BET1: variants seen among roughly 807,000 people sequenced by gnomAD.
BET1 encodes the protein BET1 homolog.
A neutral mutation model predicts 13.9 loss-of-function variants in BET1; 9 were observed. That is an observed-to-expected ratio of 0.65 (90% CI 0.39 to 1.13). BET1 has a LOEUF of 1.13. Ranked by LOEUF, BET1 falls within the 50% of genes most tolerant of loss-of-function variation. The probability of loss-of-function intolerance (pLI) is 0.01; values close to 1 mark genes in which losing one functional copy is unlikely to be tolerated. For missense variants in BET1, 127 were observed against 133.6 expected (o/e 0.95, Z 0.24); for synonymous variants, 39 against 47.3 (o/e 0.82, Z 0.72).
At chr7:93,996,369 A>T in intron 2 of BET1, 48 bp from the exon 3 acceptor site, 1 of 1,301,456 alleles carries the variant, frequency 7.7e-7, no homozygotes, top group Non-Finnish European at 1.1e-6. Context: ...AAAGTATTCA[A>T]GTGTTATAAA....
chr7:93,987,540 T>C (rs929857245), intron 4 of BET1, among the ~76,000 whole-genome samples: 1 of 152,128 alleles, frequency 6.6e-6, no homozygotes, highest in Non-Finnish European at 1.5e-5. Flanking sequence ...AGGTAATTTC[T>C]AGGTGGGGGA....
At chr7:93,965,052 A>T (rs1182315117) in exon 7 of BET1, 1 of 152,092 alleles carries the variant, frequency 6.6e-6, no homozygotes, top group African/African-American at 2.4e-5. Flanking sequence ...CAATCTAACT[A>T]GAAATCCTGT....
chr7:93,991,790 G>C (rs770158447), downstream of BET1: 1 of 965,602 alleles, frequency 1.0e-6, no homozygotes, highest in Admixed American at 6.2e-5. Context: ...TAAATATTTA[G>C]TCAAAGTTTA....
At chr7:93,992,051 T>C (rs1795648299), downstream of BET1, 2 of 985,140 alleles carry the variant, frequency 2.0e-6, no homozygotes, top group South Asian at 9.4e-5. Flanking sequence ...AAAAAGAGGG[T>C]GCTGGCAGAA....
chr7:94,002,569 T>C (rs1438214591), intron 1 of BET1, among the ~76,000 whole-genome samples: 1 of 152,026 alleles, frequency 6.6e-6, no homozygotes, highest in East Asian at 1.9e-4. Flanking sequence ...GTAACAATAC[T>C]TTAAAAACTT....
At chr7:93,994,770 A>G (rs944665145) in intron 3 of BET1, among the ~76,000 whole-genome samples, 3 of 152,272 alleles carry the variant, frequency 2.0e-5, no homozygotes, top group African/African-American at 7.2e-5. Context: ...CTCCAAGGTC[A>G]AATGGTTGAC....
intron 1 of BET1, among the ~76,000 whole-genome samples, chr7:94,003,845 T>C (rs546911662): frequency 5.9e-5 from 9 of 151,910 alleles, no homozygotes; most frequent in East Asian, 3.9e-4. Context: ...CCAGGGCCAG[T>C]AGGGAAACAG....
chr7:93,994,818 C>A (rs780037399), intron 3 of BET1, among the ~76,000 whole-genome samples: 1 of 152,104 alleles, frequency 6.6e-6, no homozygotes, highest in African/African-American at 2.4e-5. Context: ...AAATGTAATA[C>A]GGTTAGCAGT....
intron 6 of BET1, among the ~76,000 whole-genome samples, chr7:93,967,875 G>A (rs1795199633): frequency 6.6e-6 from 1 of 151,720 alleles, no homozygotes; most frequent in South Asian, 2.1e-4. Context: ...CATTTCCATT[G>A]AGTGTGTTTC....
chr7:93,967,866 A>G (rs1263938969), intron 6 of BET1, among the ~76,000 whole-genome samples: 1 of 151,804 alleles, frequency 6.6e-6, no homozygotes, highest in African/African-American at 2.4e-5. Flanking sequence ...AACAATGGGC[A>G]TTTCCATTGA....
exon 7 of BET1, chr7:93,963,152 T>A (rs74402892): frequency 6.6e-6 from 1 of 151,300 alleles, no homozygotes; most frequent in Non-Finnish European, 1.5e-5. Flanking sequence ...TAGAGATGTA[T>A]TTTTTTTTCT....
chr7:93,999,930 T>C (rs11973524), intron 1 of BET1, among the ~76,000 whole-genome samples: 20,624 of 152,124 alleles, frequency 0.14, 4,115 homozygotes, highest in African/African-American at 0.44. Flanking sequence ...CTGTTCTTTC[T>C]AGGTGCTACT....
chr7:93,979,332 C>A (rs1031951975), intron 4 of BET1, among the ~76,000 whole-genome samples: 7 of 152,108 alleles, frequency 4.6e-5, no homozygotes, highest in African/African-American at 1.2e-4. Flanking sequence ...GGATTTACCA[C>A]CAACTTAAAA....
intron 1 of BET1, 125 bp downstream of exon 1, chr7:94,004,073 A>T: frequency 1.5e-6 from 2 of 1,375,386 alleles, no homozygotes; most frequent in Non-Finnish European, 2.1e-6. Flanking sequence ...GACCCCAAAG[A>T]TCCCCTCTAG....
rs1168472369 is a variant in BET1 at position 93,994,120 on chromosome 7, G to A, written c.*110C>T. On this transcript the variant is annotated 3_prime_UTR_variant, in exon 4 of 4. Transcript: ENST00000222547. ...TAAGCAAAATTCAGCAATTTTCAAT[G>A]GAAAATGCCACAGTATTTGAACACT... 6.8e-7 allele frequency: 1 copy of A among 1,459,870 alleles called. No homozygotes were observed. The highest frequency in any genetic ancestry group is 9.0e-7 in the Non-Finnish European group (1 of 1,111,358). The allele number at this position is 1,459,870 out of a possible 1,614,324, so 90.4% of individuals were successfully genotyped here. A position where few individuals can be genotyped will look rare whatever the true frequency, so the allele number is the denominator to read the frequency against.
chr7:93,974,585 G>T (rs543632005), intron 5 of BET1, among the ~76,000 whole-genome samples: 1 of 151,938 alleles, frequency 6.6e-6, no homozygotes, highest in Non-Finnish European at 1.5e-5. Flanking sequence ...ATAATCCATA[G>T]AATAAAGTAA....
intron 6 of BET1, among the ~76,000 whole-genome samples, chr7:93,971,129 T>C (rs1264638727): frequency 6.6e-6 from 1 of 151,834 alleles, no homozygotes; most frequent in Non-Finnish European, 1.5e-5. Flanking sequence ...ATAAATTCAA[T>C]AGATTAAAAT....
chr7:93,992,290 G>A (rs1795652462), downstream of BET1: 1 of 985,156 alleles, frequency 1.0e-6, no homozygotes, highest in East Asian at 1.1e-4. Context: ...TCTGCTTGAT[G>A]ATACTGTCCA....
At chr7:93,985,407 G>A (rs1795507731) in intron 4 of BET1, among the ~76,000 whole-genome samples, 1 of 152,084 alleles carries the variant, frequency 6.6e-6, no homozygotes, top group African/African-American at 2.4e-5. Context: ...ATATTATGCA[G>A]GTTAAATGAG....
Sources: gnomAD v4.1 joint callset for allele counts (sites outside exome capture counted in the v4.1 genomes callset) on GRCh38, gnomAD v4.1.1 for gene constraint, MANE v1.5 for transcripts, NCBI Gene and HGNC (gene_info 2026-07-23, HGNC 2026-07-21) for gene names.